The following MON2 variants were observed in gnomAD, a reference collection of about 807,000 sequenced individuals.
MON2 encodes the protein protein MON2 homolog.
MON2 carries 84 observed loss-of-function variants against 208.6 expected under a neutral mutation model. The ratio of observed to expected loss-of-function variants is 0.40; its 90% CI spans 0.34 to 0.48. The LOEUF (loss-of-function observed/expected upper bound fraction) is 0.48. MON2 is among the 20% of genes least tolerant of loss of function. MON2 has a pLI of 0.59. For missense variants in MON2, 1,611 were observed against 2,015.4 expected, an observed-to-expected ratio of 0.80 and a Z score of 3.84; for synonymous variants, 660 against 694.0, an observed-to-expected ratio of 0.95 and a Z score of 0.77.
intron 19 of MON2, 87 bp from the exon 20 acceptor site, chr12:62,543,010 C>A: frequency 1.5e-6 from 1 of 682,450 alleles, no homozygotes; most frequent in Non-Finnish European, 2.4e-6. Context: ...TTCAGTCATG[C>A]TCTTCAGAGT....
intron 26 of MON2, among the ~76,000 whole-genome samples, chr12:62,562,275 A>G (rs1447382956): frequency 6.6e-6 from 1 of 151,746 alleles, no homozygotes; most frequent in Non-Finnish European, 1.5e-5. Context: ...TCAGGTTTTT[A>G]TATATGTGTA....
chr12:62,547,666 C>T (rs1269267191), intron 22 of MON2, among the ~76,000 whole-genome samples: 8 of 152,132 alleles, frequency 5.3e-5, no homozygotes, highest in African/African-American at 1.9e-4. Context: ...CGCTGCCTAA[C>T]GTTTCAGTCA....
At chr12:62,571,728 T>C in intron 30 of MON2, 146 bp downstream of exon 30, 1 of 673,616 alleles carries the variant, frequency 1.5e-6, no homozygotes, top group Non-Finnish European at 2.3e-6. Context: ...AATTAGCCAT[T>C]TATCCATTGG....
At chr12:62,571,704 T>A in intron 30 of MON2, 122 bp downstream of exon 30, 1 of 784,652 alleles carries the variant, frequency 1.3e-6, no homozygotes. Context: ...TAGATTGTAT[T>A]AAAAACACAC....
rs1377909191 is a variant in MON2, at chr12:62,585,249, A to T, written c.4700-45A>T. 2.1e-6 allele frequency: 3 copies of T among 1,452,644 alleles called. No homozygotes were observed. The Admixed American group carries it at 5.2e-5, about 25-fold the overall frequency. The allele number at this position is 1,452,644 out of a possible 1,614,324, so 90.0% of individuals were successfully genotyped here. ...CTAAGCATTGTTATCATTAAAGCTC[A>T]TTGATTTAACTTCTATTAACCATCA... On this transcript the variant is annotated intron_variant, in intron 32 of 34. Transcript: ENST00000393630.
At chr12:62,565,468 C>A in intron 27 of MON2, 88 bp downstream of exon 27, 1 of 1,143,220 alleles carries the variant, frequency 8.7e-7, no homozygotes, top group South Asian at 1.6e-5. Flanking sequence ...TTGATTATCT[C>A]GGAAAAGGAT....
At chr12:62,525,848 C>G (rs1464645206) in intron 10 of MON2, 101 bp from the exon 11 acceptor site, 3 of 1,076,644 alleles carry the variant, frequency 2.8e-6, no homozygotes, top group South Asian at 3.1e-5. Flanking sequence ...TCTGATAGCA[C>G]AGAAATTTTT....
At chr12:62,555,893 A>G in intron 24 of MON2, 101 bp from the exon 25 acceptor site, 2 of 870,976 alleles carry the variant, frequency 2.3e-6, no homozygotes, top group Middle Eastern at 3.5e-4. Flanking sequence ...TGTCAAGTAT[A>G]TTTTTTGTAA....
intron 8 of MON2, among the ~76,000 whole-genome samples, chr12:62,517,671 C>G (rs1046677051): frequency 1.3e-5 from 2 of 152,134 alleles, no homozygotes; most frequent in African/African-American, 4.8e-5. Flanking sequence ...TCAGCAGAAC[C>G]TGAACACGCT....
intron 21 of MON2, chr12:62,545,805 CAG>C (rs1374701934): frequency 1.3e-5 from 2 of 152,130 alleles, no homozygotes; most frequent in African/African-American, 4.8e-5. Flanking sequence ...ATGAACAAGA[CAG>C]AAAAGATATT....
In MON2 at chr12:62,597,962, T is replaced by TTAAACTTTTA. The variant is rs2075560878; in HGVS notation, c.*5213_*5214insTAAACTTTTA. On this transcript the variant is annotated 3_prime_UTR_variant, in exon 35 of 35. Transcript: ENST00000393630. ...GGGGTGGGGGAGATATTTGTTTTTTTGAGGCAGACGTTTAAACTTTTAGAT... is the reference window on the plus strand; with the variant it reads ...GGGGTGGGGGAGATATTTGTTTTTTTTAAACTTTTAGAGGCAGACGTTTAAACTTTTAGAT... The TTAAACTTTTA allele has an allele frequency of 6.6e-6, 1 of 152,248 alleles. No individual in the cohort carries two copies. The highest frequency in any genetic ancestry group is 6.5e-5 in the Admixed American group (1 of 15,282). 9.4% of individuals were successfully genotyped at this position (152,248 alleles called of 1,614,324 possible). A position where few individuals can be genotyped will look rare whatever the true frequency, so the allele number is the denominator to read the frequency against.
At chr12:62,469,159 G>A (rs1016229018) in intron 1 of MON2, among the ~76,000 whole-genome samples, 1 of 146,112 alleles carries the variant, frequency 6.8e-6, no homozygotes, top group Non-Finnish European at 1.5e-5. Flanking sequence ...TGGCAGGCTG[G>A]TCTCCTGAAC....
chr12:62,555,172 A>G (rs1439590961), intron 24 of MON2, among the ~76,000 whole-genome samples: 1 of 151,574 alleles, frequency 6.6e-6, no homozygotes, highest in Non-Finnish European at 1.5e-5. Context: ...TTATCCATTT[A>G]ATTTAATTTA....
intron 19 of MON2, among the ~76,000 whole-genome samples, chr12:62,541,782 A>C (rs1241361994): frequency 6.6e-6 from 1 of 152,152 alleles, no homozygotes; most frequent in Non-Finnish European, 1.5e-5. Context: ...TTTGAGTAAG[A>C]ATCTTCAGGT....
At chr12:62,507,278 G>A (rs1334093187) in intron 7 of MON2, among the ~76,000 whole-genome samples, 2 of 151,264 alleles carry the variant, frequency 1.3e-5, no homozygotes, top group Non-Finnish European at 3.0e-5. Context: ...AGTTTGTATA[G>A]CTTGTTTTCT....
intron 4 of MON2, among the ~76,000 whole-genome samples, chr12:62,496,871 G>A (rs1002084883): frequency 7.4e-5 from 11 of 148,568 alleles, no homozygotes; most frequent in African/African-American, 1.7e-4. Context: ...TGTTTATTGC[G>A]GCACTATTCA....
chr12:62,474,547 CCTGAGT>C (rs2068965997), intron 1 of MON2, among the ~76,000 whole-genome samples: 1 of 152,166 alleles, frequency 6.6e-6, no homozygotes. Flanking sequence ...GCCTCAGCTT[CCTGAGT>C]AGCTGGGATT....
Position 62,598,232 on chromosome 12 carries a change from T to C in MON2, c.*5483T>C, listed in dbSNP as rs528490674. Reference sequence around the variant, plus strand: ...AAACCTTCCTAATTGTACTATGGTATTGATTCTATCCCCTCAAGTATGAAA... The same window carrying C: ...AAACCTTCCTAATTGTACTATGGTACTGATTCTATCCCCTCAAGTATGAAA... On this transcript the variant is annotated 3_prime_UTR_variant, in exon 35 of 35. Transcript: ENST00000393630. 11 of 152,292 alleles carry C rather than the reference T, an allele frequency of 7.2e-5. No homozygotes were observed. The South Asian group carries it at 2.3e-3, about 32-fold the overall frequency. 9.4% of individuals were successfully genotyped at this position (152,292 alleles called of 1,614,324 possible).
At chr12:62,541,597 G>A (rs1158275610) in intron 19 of MON2, among the ~76,000 whole-genome samples, 2 of 152,258 alleles carry the variant, frequency 1.3e-5, no homozygotes, top group South Asian at 2.1e-4. Flanking sequence ...ATGAAAAATA[G>A]CTTAAGTGAC....
Sources: allele counts gnomAD v4.1 joint callset (sites outside exome capture counted in the v4.1 genomes callset), GRCh38; gene constraint gnomAD v4.1.1; transcripts MANE v1.5; gene names NCBI Gene and HGNC (gene_info 2026-07-23, HGNC 2026-07-21).